The following ITGA6 variants were observed in gnomAD, a reference collection of about 807,000 sequenced individuals.
ITGA6 encodes the protein integrin alpha-6.
ITGA6 carries 63 observed loss-of-function variants against 133.6 expected under a neutral mutation model. The observed-to-expected ratio is 0.47, with a 90% CI of 0.38 to 0.58. The LOEUF (loss-of-function observed/expected upper bound fraction) is 0.58. Ranked by LOEUF, ITGA6 falls within the 20% of genes least tolerant of loss-of-function variation. ITGA6 has a pLI of 0.00. For synonymous variants in ITGA6, 434 were observed against 482.0 expected (o/e 0.90, Z 1.30); for missense variants, 1,068 against 1,309.4 (o/e 0.82, Z 2.85).
Position 172,487,985 on chromosome 2 carries a change from T to C in ITGA6, c.2349T>C (p.Ala783=). 6.2e-7 allele frequency: 1 copy of C among 1,613,924 alleles called. No homozygotes were observed. The highest frequency in any genetic ancestry group is 8.5e-7 in the Non-Finnish European group (1 of 1,179,860). The part of the protein sequence containing the change: ...LETTSNQDNL[A]PITAKAKVVI... ...GAACAAGCAATCAAGATAATTTGGC[T>C]CCAATTACAGCTAAAGCAAAAGTGG... Residue 783 remains alanine, a synonymous_variant, in exon 18 of 26, where the codon GCT becomes GCC. Coordinates refer to ENST00000684293, the MANE Select transcript of ITGA6 (RefSeq NM_000210.4).
Position 172,435,616 on chromosome 2 carries a change from C to CTTTTTTT in ITGA6, c.182+7664_182+7670dup, listed in dbSNP as rs58005683. Among the ~76,000 whole-genome samples, 139 of 82,258 alleles carry CTTTTTTT rather than the reference C, an allele frequency of 1.7e-3. 2 individuals carry two copies. Among genetic ancestry groups the CTTTTTTT allele is most frequent in the African/African-American group, 5.4e-3 (102 of 18,842 alleles). The allele number at this position is 82,258 out of a possible 152,430, so 54.0% of individuals were successfully genotyped here. ...GACACAAAACCCAAGAGTTTTGTTT[C>CTTTTTTT]TTTTTTTTTTTTTTTTTTTTTTTTG... is the stretch of plus-strand genomic sequence containing the variant. On this transcript the variant is annotated intron_variant, in intron 1 of 25. Coordinates refer to ENST00000684293, the MANE Select transcript of ITGA6 (RefSeq NM_000210.4).
chr2:172,443,600 G>A (rs1184131549), intron 1 of ITGA6, among the ~76,000 whole-genome samples: 1 of 152,138 alleles, frequency 6.6e-6, no homozygotes, highest in Non-Finnish European at 1.5e-5. Context: ...CGAGTTTCCA[G>A]CCTTATGCCC....
At position 172,487,057 on chromosome 2, in the gene ITGA6, A is replaced by G. The variant is rs1466293721; in HGVS notation, c.1889A>G (p.Asn630Ser). ...TTAAAAGAGGGATGTGGAGACGACA[A>G]TGTATGTAACAGCAACCTTAAACTA... ...HFLKEGCGDDNVCNSNLKLEY... is the reference protein window; with the variant it reads ...HFLKEGCGDDSVCNSNLKLEY... The change falls in exon 14 of 26, where the codon AAT becomes AGT. Residue 630 changes from asparagine (N) to serine (S), a missense_variant. This residue lies in a region of ITGA6 where 609 missense variants were observed against 707.2 expected (regional missense o/e 0.86). Coordinates refer to ENST00000684293, the MANE Select transcript of ITGA6 (RefSeq NM_000210.4). 2 of 1,612,386 alleles carry G rather than the reference A, an allele frequency of 1.2e-6. No homozygotes were observed. Among genetic ancestry groups the G allele is most frequent in the Non-Finnish European group, 1.7e-6 (2 of 1,178,554 alleles).
At chr2:172,470,223 G>A (rs1685861835) in intron 4 of ITGA6, among the ~76,000 whole-genome samples, 1 of 152,132 alleles carries the variant, frequency 6.6e-6, no homozygotes, top group Non-Finnish European at 1.5e-5. Context: ...TTCTCTGTGT[G>A]CAATCTTCAA....
chr2:172,484,929 C>A lies in ITGA6; in HGVS notation c.1697C>A (p.Thr566Asn). 2 of 1,614,084 alleles carry A rather than the reference C, an allele frequency of 1.2e-6. No individual in the cohort carries two copies. Among genetic ancestry groups the A allele is most frequent in the Non-Finnish European group, 1.7e-6 (2 of 1,179,958 alleles). ...AAACAGAAAGTGTGCATGGAGGAAACCCTGTGGCTACAGGTGAGGGCTGCA... is the reference window on the plus strand; with the variant it reads ...AAACAGAAAGTGTGCATGGAGGAAAACCTGTGGCTACAGGTGAGGGCTGCA... Reference protein sequence around the residue: ...RQKQKVCMEETLWLQDNIRDK... With the variant: ...RQKQKVCMEENLWLQDNIRDK... Residue 566 changes from threonine to asparagine, a missense_variant, in exon 12 of 26, where the codon ACC (threonine) becomes AAC (asparagine). By Grantham distance (65) the Thr-to-Asn change is moderately conservative. Transcript: ENST00000684293.
intron 9 of ITGA6, among the ~76,000 whole-genome samples, chr2:172,479,304 G>A (rs1686320442): frequency 6.6e-6 from 1 of 152,182 alleles, no homozygotes. Context: ...TTTAATTTTA[G>A]ATAATTTTAA....
intron 1 of ITGA6, among the ~76,000 whole-genome samples, chr2:172,444,612 A>T (rs9679742): frequency 8.5e-6 from 1 of 118,084 alleles, no homozygotes; most frequent in Admixed American, 1.1e-4. Context: ...GCCAAAAAAA[A>T]CCAAAAACCC....
rs1686756198 is a variant in ITGA6 at position 172,487,813 on chromosome 2, A to G, written c.2324+6A>G. The G allele has an allele frequency of 6.3e-7, 1 of 1,589,898 alleles. No individual in the cohort carries two copies. The highest frequency in any genetic ancestry group is 8.6e-7 in the Non-Finnish European group (1 of 1,158,152). On this transcript the variant is annotated splice_donor_region_variant and intron_variant, in intron 17 of 25. Coordinates refer to ENST00000684293, the MANE Select transcript of ITGA6 (RefSeq NM_000210.4). ...ATTAATCTGAAGTTAGAAACGTAAGAGTTACATCAACCTCTCCATTCAGAA... is the reference window on the plus strand; with the variant it reads ...ATTAATCTGAAGTTAGAAACGTAAGGGTTACATCAACCTCTCCATTCAGAA...
chr2:172,458,456 T>TA lies in ITGA6; in HGVS notation c.183-7075dup, dbSNP rs201386644. On this transcript the variant is annotated intron_variant, in intron 1 of 25. Coordinates refer to ENST00000684293, the MANE Select transcript of ITGA6 (RefSeq NM_000210.4). The stretch of plus-strand genomic sequence containing the variant: ...TTAGGCCAAGTCATGACACTAGAAA[T>TA]AAAAAAAATGCCTAAAACTAGGGCT... Among the ~76,000 whole-genome samples, 738 of 151,652 alleles carry TA rather than the reference T, an allele frequency of 4.9e-3. 15 individuals are homozygous for TA. Among genetic ancestry groups the TA allele is most frequent in the East Asian group, 0.035 (179 of 5,130 alleles).
chr2:172,503,569 G>A lies in ITGA6; in HGVS notation c.*23-522G>A, dbSNP rs1687436010. The A allele has an allele frequency of 2.0e-5, 3 of 152,228 alleles. No individual in the cohort carries two copies. The South Asian group carries it at 6.2e-4, about 31-fold the overall frequency. 9.4% of individuals were successfully genotyped at this position (152,228 alleles called of 1,614,324 possible). A position where few individuals can be genotyped will look rare whatever the true frequency, so the allele number is the denominator to read the frequency against. On this transcript the variant is annotated intron_variant, in intron 25 of 25. Transcript: ENST00000684293. ...CTGGCTAATGAGAGAAGTGATATGT[G>A]TACTAGAGCCTCAGAGGAGAGAAAA...
At chr2:172,427,387 G>A, upstream of ITGA6, 1 of 1,015,520 alleles carries the variant, frequency 9.8e-7, no homozygotes, top group Non-Finnish European at 1.2e-6. Context: ...CAGTGGGGCT[G>A]CTTCGCCGCG....
intron 10 of ITGA6, 107 bp from the exon 11 acceptor site, chr2:172,479,882 TG>T: frequency 9.2e-7 from 1 of 1,081,808 alleles, no homozygotes; most frequent in Admixed American, 1.7e-5. Flanking sequence ...TTTTATAACA[TG>T]TTGATCATCA....
chr2:172,433,785 A>G (rs1287860212), intron 1 of ITGA6, among the ~76,000 whole-genome samples: 1 of 152,182 alleles, frequency 6.6e-6, no homozygotes, highest in African/African-American at 2.4e-5. Context: ...TGAAAAGTGC[A>G]TCTCAGAAGA....
chr2:172,501,941 C>T lies in ITGA6; in HGVS notation c.*22+40C>T, dbSNP rs569495034. On this transcript the variant is annotated intron_variant, in intron 25 of 25. Transcript: ENST00000684293. Reference sequence around the variant, plus strand: ...TTTTTTAATTGCTAGCTGTGGGACCCGCTATGGTTGTGGTGGCTAACTTTA... The same window carrying T: ...TTTTTTAATTGCTAGCTGTGGGACCTGCTATGGTTGTGGTGGCTAACTTTA... 1.0e-4 allele frequency: 158 copies of T among 1,580,278 alleles called. 1 individual carries two copies. Among genetic ancestry groups the T allele is most frequent in the South Asian group, 6.5e-4 (58 of 88,668 alleles).
intron 1 of ITGA6, among the ~76,000 whole-genome samples, chr2:172,459,570 A>G (rs2149028705): frequency 6.6e-6 from 1 of 152,344 alleles, no homozygotes; most frequent in East Asian, 1.9e-4. Flanking sequence ...ACTGGATACT[A>G]GAATTAATTA....
chr2:172,491,121 T>C lies in ITGA6; in HGVS notation c.2777T>C (p.Leu926Pro), dbSNP rs775389058. 15 of 1,487,564 alleles carry C rather than the reference T, an allele frequency of 1.0e-5. No homozygotes were observed. The highest frequency in any genetic ancestry group is 1.3e-5 in the Non-Finnish European group (14 of 1,064,640). The allele number at this position is 1,487,564 out of a possible 1,614,324, so 92.1% of individuals were successfully genotyped here. A position where few individuals can be genotyped will look rare whatever the true frequency, so the allele number is the denominator to read the frequency against. The change falls in exon 21 of 26, where the codon CTT (leucine) becomes CCT (proline). Residue 926 changes from leucine to proline, a missense_variant and splice_region_variant. Physicochemically the swap from Leu to Pro is moderately conservative, Grantham distance 98. Coordinates refer to ENST00000684293, the MANE Select transcript of ITGA6 (RefSeq NM_000210.4). The surrounding 1 kb of genome is among the most constrained non-coding windows in gnomAD (Gnocchi z 4.4). ...TTTGCTGAAAGAAAATACCAGACTC[T>C]TGTAAGTATTTTTCAAGAGCTGTGA... Reference protein sequence around the residue: ...SLFAERKYQTLNCSVNVNCVN... With the variant: ...SLFAERKYQTPNCSVNVNCVN...
chr2:172,465,761 A>AG, intron 2 of ITGA6, 98 bp downstream of exon 2: 1 of 1,506,840 alleles, frequency 6.6e-7, no homozygotes, highest in Non-Finnish European at 9.2e-7. Context: ...TCTTGTAGAG[A>AG]GGACTTCTTT....
intron 1 of ITGA6, among the ~76,000 whole-genome samples, chr2:172,433,540 T>C (rs367771569): frequency 1.3e-5 from 2 of 152,194 alleles, no homozygotes; most frequent in Admixed American, 6.5e-5. Context: ...CCTCGCACAT[T>C]AGAATAGTCC....
At chr2:172,476,680 T>C (rs949697999) in intron 9 of ITGA6, among the ~76,000 whole-genome samples, 167 bp downstream of exon 9, 1 of 152,200 alleles carries the variant, frequency 6.6e-6, no homozygotes, top group African/African-American at 2.4e-5. Flanking sequence ...TAACAACCTA[T>C]TTTCTAAAAT....
Sources: gnomAD v4.1 joint callset for allele counts (sites outside exome capture counted in the v4.1 genomes callset) on GRCh38, gnomAD v4.1.1 for gene constraint, gnomAD v4.1.1 regional missense constraint, Gnocchi (gnomAD v3.1) non-coding constraint, MANE v1.5 for transcripts, NCBI Gene and HGNC (gene_info 2026-07-23, HGNC 2026-07-21) for gene names.